Variants in THSD4 observed in about 807,000 individuals in gnomAD.
THSD4 encodes thrombospondin type 1 domain containing 4, also known as thrombospondin type-1 domain-containing protein 4.
A neutral mutation model predicts 119.0 loss-of-function variants in THSD4; 69 were observed. The ratio of observed to expected loss-of-function variants is 0.58; its 90% CI spans 0.48 to 0.71. THSD4 has a LOEUF of 0.71. Among genes scored for constraint, THSD4 ranks in the 30% least tolerant of loss-of-function variants. The pLI, the probability that THSD4 is intolerant of heterozygous loss-of-function variation, is 0.00. For synonymous variants in THSD4, 524 were observed against 540.4 expected, an observed-to-expected ratio of 0.97 and a Z score of 0.42; for missense variants, 1,393 against 1,391.1, an observed-to-expected ratio of 1.00 and a Z score of -0.02.
intron 7 of THSD4, among the ~76,000 whole-genome samples, chr15:71,423,071 C>A (rs765766380): frequency 2.8e-4 from 43 of 152,254 alleles, no homozygotes; most frequent in Non-Finnish European, 3.2e-4. Flanking sequence ...GACCTGGGAC[C>A]CACCCTTTAG....
intron 6 of THSD4, among the ~76,000 whole-genome samples, chr15:71,379,250 A>G (rs1282171128): frequency 6.6e-6 from 1 of 151,944 alleles, no homozygotes; most frequent in Non-Finnish European, 1.5e-5. Flanking sequence ...GAACAAGGAA[A>G]GGTCATCCTA....
intron 7 of THSD4, among the ~76,000 whole-genome samples, chr15:71,651,055 A>G (rs968199661): frequency 1.3e-5 from 2 of 152,224 alleles, no homozygotes; most frequent in African/African-American, 4.8e-5. Context: ...GAATGAATTA[A>G]TGAGTATCAA....
intron 6 of THSD4, among the ~76,000 whole-genome samples, chr15:71,399,394 G>A (rs2046494377): frequency 6.6e-6 from 1 of 152,156 alleles, no homozygotes; most frequent in African/African-American, 2.4e-5. Context: ...AAATCCAAAT[G>A]CAGCTAAAAA....
intron 6 of THSD4, among the ~76,000 whole-genome samples, chr15:71,289,818 A>G (rs2044767156): frequency 2.0e-5 from 3 of 152,092 alleles, no homozygotes; most frequent in Admixed American, 2.0e-4. Context: ...AGAATAGGAA[A>G]AGTCAAAATA....
chr15:71,169,365 A>G (rs1241782780), intron 3 of THSD4, among the ~76,000 whole-genome samples: 1 of 152,224 alleles, frequency 6.6e-6, no homozygotes, highest in Non-Finnish European at 1.5e-5. Flanking sequence ...AAAAACTGTC[A>G]GTGTATCTTA....
chr15:71,611,118 A>G (rs779577280), intron 7 of THSD4, among the ~76,000 whole-genome samples: 152 of 152,368 alleles, frequency 1.0e-3, no homozygotes, highest in Non-Finnish European at 1.9e-3. Flanking sequence ...CTTACAGCCA[A>G]TACACTTGGC....
chr15:71,504,122 G>A (rs1035123005), intron 7 of THSD4, among the ~76,000 whole-genome samples: 1 of 152,202 alleles, frequency 6.6e-6, no homozygotes, highest in African/African-American at 2.4e-5. Context: ...CATACTTTGA[G>A]ATTTGGCAAG....
intron 10 of THSD4, among the ~76,000 whole-genome samples, chr15:71,734,586 A>C (rs1187846021): frequency 6.6e-6 from 1 of 152,148 alleles, no homozygotes; most frequent in Non-Finnish European, 1.5e-5. Flanking sequence ...GTCACTGTGC[A>C]CTTGTCCAGA....
chr15:71,457,412 G>A (rs2047356168), intron 7 of THSD4, among the ~76,000 whole-genome samples: 1 of 147,654 alleles, frequency 6.8e-6, no homozygotes. Flanking sequence ...AGCCAAGATG[G>A]TAATGCAAGT....
At chr15:71,582,215 TAGTTA>T (rs1305714019) in intron 7 of THSD4, among the ~76,000 whole-genome samples, 2 of 152,314 alleles carry the variant, frequency 1.3e-5, no homozygotes, top group Non-Finnish European at 2.9e-5. Context: ...TTTACCTCCT[TAGTTA>T]AGTTTATTCC....
intron 6 of THSD4, among the ~76,000 whole-genome samples, chr15:71,331,220 G>T (rs918165847): frequency 6.6e-6 from 1 of 152,162 alleles, no homozygotes; most frequent in Non-Finnish European, 1.5e-5. Flanking sequence ...ACAGAGGGGC[G>T]GCTGCCCTTC....
Position 71,256,612 on chromosome 15 carries a change from G to T in THSD4, c.913-1G>T, listed in dbSNP as rs780399152. The T allele has an allele frequency of 3.1e-6, 5 of 1,613,112 alleles. No individual in the cohort carries two copies. In the East Asian group the frequency reaches 6.7e-5, roughly 22 times the overall value. ...TGCATATTTAATATCTGCTTTATTAGGTATGTCCAGAAAGCAGTAGAAGTA... is the reference window on the plus strand; with the variant it reads ...TGCATATTTAATATCTGCTTTATTATGTATGTCCAGAAAGCAGTAGAAGTA... On this transcript the variant is annotated splice_acceptor_variant, in intron 5 of 17. Transcript: ENST00000261862. LOFTEE classifies it high-confidence loss of function.
At chr15:71,639,553 A>T (rs1311428608) in intron 7 of THSD4, among the ~76,000 whole-genome samples, 1 of 152,222 alleles carries the variant, frequency 6.6e-6, no homozygotes, top group African/African-American at 2.4e-5. Flanking sequence ...ATTCTCACTG[A>T]ATATGTGCCA....
At chr15:71,774,623 G>A (rs2053881513) in intron 17 of THSD4, among the ~76,000 whole-genome samples, 1 of 151,830 alleles carries the variant, frequency 6.6e-6, no homozygotes, top group South Asian at 2.1e-4. Flanking sequence ...AATGTACAGG[G>A]GCACACACAT....
rs189134807 is a variant in THSD4, at chr15:71,727,312, T to G, written c.1358-1237T>G. ...AACTCAGGAAGGTCATAGAAGTGAA[T>G]GAAGCTGACCAGGTACATGAGAAAA... On this transcript the variant is annotated intron_variant, in intron 8 of 17. Transcript: ENST00000261862. Among the ~76,000 whole-genome samples, 253 of 152,064 alleles carry G rather than the reference T, an allele frequency of 1.7e-3. 1 individual carries two copies. Among genetic ancestry groups the G allele is most frequent in the African/African-American group, 5.6e-3 (234 of 41,440 alleles).
intron 7 of THSD4, among the ~76,000 whole-genome samples, chr15:71,508,875 C>T (rs1392705748): frequency 6.6e-6 from 1 of 151,672 alleles, no homozygotes; most frequent in African/African-American, 2.4e-5. Flanking sequence ...TGAAAAATGC[C>T]TTCCAGGTCA....
chr15:71,352,608 A>G (rs1289845170), intron 6 of THSD4, among the ~76,000 whole-genome samples: 2 of 152,220 alleles, frequency 1.3e-5, no homozygotes, highest in Non-Finnish European at 2.9e-5. Flanking sequence ...GTTCATTTCA[A>G]ATTTTAATTT....
chr15:71,244,210 T>A (rs1460499400), intron 5 of THSD4, among the ~76,000 whole-genome samples: 1 of 152,210 alleles, frequency 6.6e-6, no homozygotes, highest in East Asian at 1.9e-4. Flanking sequence ...TAGTGAGTAG[T>A]AGAACCAACT....
At chr15:71,251,629 A>G (rs1049703448) in intron 5 of THSD4, among the ~76,000 whole-genome samples, 5 of 152,210 alleles carry the variant, frequency 3.3e-5, no homozygotes, top group African/African-American at 7.2e-5. Context: ...GATTGAATCC[A>G]TAGCAGTGAA....
Sources: gnomAD v4.1 joint callset for allele counts (sites outside exome capture counted in the v4.1 genomes callset) on GRCh38, gnomAD v4.1.1 for gene constraint, MANE v1.5 for transcripts, NCBI Gene and HGNC (gene_info 2026-07-23, HGNC 2026-07-21) for gene names.